The following MATK variants were observed in gnomAD, a reference collection of about 807,000 sequenced individuals.
The protein encoded by MATK is megakaryocyte-associated tyrosine-protein kinase.
MATK carries 41 observed loss-of-function variants against 59.8 expected under a neutral mutation model. The ratio of observed to expected loss-of-function variants is 0.69; its 90% CI spans 0.53 to 0.89. The LOEUF is 0.89. MATK is among the 40% of genes least tolerant of loss of function. MATK has a pLI of 0.00. For synonymous variants in MATK, 308 were observed against 306.1 expected (o/e 1.01, Z -0.06); for missense variants, 593 against 719.6 (o/e 0.82, Z 2.01).
Position 3,778,345 on chromosome 19 carries a change from G to A in MATK, c.1362C>T (p.His454=), listed in dbSNP as rs752910204. 1.1e-5 allele frequency: 17 copies of A among 1,587,352 alleles called. No homozygotes were observed. In the Admixed American group the frequency reaches 1.1e-4, roughly 11 times the overall value. The change falls in exon 14 of 14, where the codon CAC becomes CAT. Residue 454 remains histidine, a synonymous_variant. Transcript: ENST00000310132. ...CCTCCCAGCAGCTGCTCATGAGGAC[G>A]TGCACGGGGCCTGGACAGCCCTCGG... The part of the protein sequence containing the change: ...EPPEGCPGPV[H]VLMSSCWEAE...
intron 3 of MATK, 158 bp from the exon 4 acceptor site, chr19:3,784,609 G>C (rs1490203830): frequency 6.2e-6 from 4 of 647,568 alleles, no homozygotes; most frequent in Non-Finnish European, 1.1e-5. Flanking sequence ...GGGAAAGAAA[G>C]GGGGAGTGGG....
intron 1 of MATK, among the ~76,000 whole-genome samples, chr19:3,796,964 C>T (rs967994272): frequency 6.6e-6 from 1 of 151,262 alleles, no homozygotes; most frequent in Admixed American, 6.6e-5. Flanking sequence ...TAATTTCTGT[C>T]TCTCTCTCTC....
intron 11 of MATK, 45 bp from the exon 12 acceptor site, chr19:3,779,232 C>A: frequency 6.5e-7 from 1 of 1,550,062 alleles, no homozygotes; most frequent in Non-Finnish European, 8.7e-7. Context: ...CCAGGATGCC[C>A]ACATTCAGGG....
At chr19:3,789,203 T>C, upstream of MATK, 2 of 718,964 alleles carry the variant, frequency 2.8e-6, no homozygotes, top group Non-Finnish European at 5.3e-6. Context: ...CCACCATCAC[T>C]TGCCTGAACT....
intron 1 of MATK, among the ~76,000 whole-genome samples, chr19:3,794,055 C>T (rs1303737444): frequency 3.3e-5 from 5 of 152,024 alleles, no homozygotes; most frequent in Admixed American, 3.3e-4. Context: ...CTTCCTATCT[C>T]CTAGTACTAC....
In MATK at chr19:3,799,655, C is replaced by T. The variant is rs146365594; in HGVS notation, c.-58+1877G>A. Reference sequence around the variant, plus strand: ...AGGAGTTCGAGACCAGTCTGGGCAACGCAGTGAAACCCCATCTCTGCTAAA... The same window carrying T: ...AGGAGTTCGAGACCAGTCTGGGCAATGCAGTGAAACCCCATCTCTGCTAAA... On this transcript the variant is annotated intron_variant, in intron 1 of 13. Coordinates refer to the MATK transcript ENST00000395045. Among the ~76,000 whole-genome samples, 804 of 151,484 alleles carry T rather than the reference C, an allele frequency of 5.3e-3. 9 individuals carry two copies. Among genetic ancestry groups the T allele is most frequent in the African/African-American group, 0.018 (728 of 41,248 alleles).
chr19:3,784,932 T>G (rs773516764), intron 2 of MATK, 48 bp from the exon 3 acceptor site: 109 of 1,427,872 alleles, frequency 7.6e-5, no homozygotes, highest in Non-Finnish European at 1.0e-4. Context: ...GGACCCACGG[T>G]CCAGTTCCTA....
At position 3,785,266 on chromosome 19, in the gene MATK, G is replaced by T. The variant is rs1006861918; in HGVS notation, c.-131C>A. 6.5e-7 allele frequency: 1 copy of T among 1,531,960 alleles called. No homozygotes were observed. Among genetic ancestry groups the T allele is most frequent in the Admixed American group, 2.1e-5 (1 of 48,582 alleles). 94.9% of individuals were successfully genotyped at this position (1,531,960 alleles called of 1,614,324 possible). A position where few individuals can be genotyped will look rare whatever the true frequency, so the allele number is the denominator to read the frequency against. On this transcript the variant is annotated 5_prime_UTR_variant, in exon 2 of 14. Transcript: ENST00000310132. ...GTAGGGAGCTGGGTGCCACTGGACC[G>T]AGCCTGGTTCTTCCTGTTTTCTGGT...
chr19:3,779,138 G>C lies in MATK; in HGVS notation c.1051C>G (p.Arg351Gly). The C allele has an allele frequency of 6.2e-7, 1 of 1,608,176 alleles. No individual in the cohort carries two copies. The highest frequency in any genetic ancestry group is 8.5e-7 in the Non-Finnish European group (1 of 1,178,186). Reference sequence around the variant, plus strand: ...AGGATGTTGCGGGCGGCCAGGTCGCGGTGCACAAGCTTCTTGCTCTCCAGG... The same window carrying C: ...AGGATGTTGCGGGCGGCCAGGTCGCCGTGCACAAGCTTCTTGCTCTCCAGG... ...EYLESKKLVH[R>G]DLAARNILVS... Residue 351 changes from arginine (R) to glycine (G), a missense_variant, in exon 12 of 14, where the codon CGC becomes GGC. Coordinates refer to ENST00000310132, the MANE Select transcript of MATK (RefSeq NM_139355.3).
intron 8 of MATK, among the ~76,000 whole-genome samples, chr19:3,780,588 G>A (rs1216007591): frequency 9.5e-5 from 13 of 137,276 alleles, no homozygotes; most frequent in African/African-American, 2.5e-4. Context: ...CACCACGCCC[G>A]GCTAATTTTT....
chr19:3,800,463 TG>T (rs2037633124), intron 1 of MATK, among the ~76,000 whole-genome samples: 1 of 151,968 alleles, frequency 6.6e-6, no homozygotes, highest in Admixed American at 6.6e-5. Flanking sequence ...CTGACCAACG[TG>T]GTGAAACCCC....
Position 3,778,552 on chromosome 19 carries a change from A to G in MATK, c.1241T>C (p.Leu414Pro), listed in dbSNP as rs1244665204. 6.2e-7 allele frequency: 1 copy of G among 1,613,742 alleles called. No individual in the cohort carries two copies. The highest frequency in any genetic ancestry group is 1.7e-5 in the Admixed American group (1 of 59,966). The part of the protein sequence containing the change: ...KSDVWSFGVL[L>P]WEVFSYGRAP... ...CCGTCCATATGAGAAGACCTCCCAG[A>G]GCAGCACCCCAAAACTCCAGACATC... Residue 414 changes from leucine to proline, a missense_variant, in exon 13 of 14, where the codon CTC (leucine) becomes CCC (proline). Physicochemically the swap from Leu to Pro is moderately conservative, Grantham distance 98. Transcript: ENST00000310132.
At chr19:3,791,302 T>A (rs1270947655), upstream of MATK, among the ~76,000 whole-genome samples, 2 of 151,776 alleles carry the variant, frequency 1.3e-5, no homozygotes, top group Non-Finnish European at 2.9e-5. Flanking sequence ...CTTCTGTCCT[T>A]TGCAATGCAG....
At chr19:3,783,013 T>G in intron 7 of MATK, 113 bp downstream of exon 7, 46 of 909,288 alleles carry the variant, frequency 5.1e-5, no homozygotes, top group Non-Finnish European at 7.0e-5. Context: ...TAGCTGGGCA[T>G]GGAGACAGGC....
chr19:3,789,168 C>G, upstream of MATK: 2 of 639,268 alleles, frequency 3.1e-6, no homozygotes, highest in South Asian at 1.8e-5. Flanking sequence ...GTCACAGTCA[C>G]TGCGGGCCCA....
intron 1 of MATK, 122 bp from the exon 2 acceptor site, chr19:3,785,408 C>T (rs1039303825): frequency 1.7e-6 from 1 of 594,354 alleles, no homozygotes; most frequent in Admixed American, 3.2e-5. Context: ...TGGGCTCCTC[C>T]GGCCACCCGC....
Position 3,778,401 on chromosome 19 carries a change from C to T in MATK, c.1306G>A (p.Ala436Thr), listed in dbSNP as rs2145743980. The change falls in exon 14 of 14, where the codon GCC (alanine) becomes ACC (threonine). Residue 436 changes from alanine to threonine, a missense_variant. By Grantham distance (58) the Ala-to-Thr change is moderately conservative. Coordinates refer to ENST00000310132, the MANE Select transcript of MATK (RefSeq NM_139355.3). ...TCCATGCGGTACCCCTTCTCCACGGCCTCCGACACCTCTTTCAGTGACTGC... is the reference window on the plus strand; with the variant it reads ...TCCATGCGGTACCCCTTCTCCACGGTCTCCGACACCTCTTTCAGTGACTGC... Reference protein sequence around the residue: ...PKMSLKEVSEAVEKGYRMEPP... With the variant: ...PKMSLKEVSETVEKGYRMEPP... 2.5e-6 allele frequency: 4 copies of T among 1,612,792 alleles called. No homozygotes were observed. The highest frequency in any genetic ancestry group is 2.2e-5 in the East Asian group (1 of 44,880).
intron 6 of MATK, 135 bp downstream of exon 6, chr19:3,783,679 G>GGATGGT: frequency 1.3e-6 from 1 of 756,826 alleles, no homozygotes; most frequent in South Asian, 1.7e-5. Flanking sequence ...CAGGAGGTAG[G>GGATGGT]GATGGTGTCT....
chr19:3,800,929 C>T (rs569585505), intron 1 of MATK, among the ~76,000 whole-genome samples: 2 of 152,200 alleles, frequency 1.3e-5, no homozygotes, highest in South Asian at 4.1e-4. Context: ...GGCGCAATCT[C>T]GGCTCACTAC....
Sources: allele counts gnomAD v4.1 joint callset (sites outside exome capture counted in the v4.1 genomes callset), GRCh38; gene constraint gnomAD v4.1.1; transcripts MANE v1.5; gene names NCBI Gene and HGNC (gene_info 2026-07-23, HGNC 2026-07-21).